FAM111B: variants seen among roughly 807,000 people sequenced by gnomAD.
The protein encoded by FAM111B is FAM111 trypsin like peptidase B, also known as serine protease FAM111B.
A neutral mutation model predicts 2.8 loss-of-function variants in FAM111B; 1 was observed. The observed-to-expected ratio is 0.36, with a 90% confidence interval of 0.13 to 1.70. FAM111B has a LOEUF of 1.70. FAM111B is among the 40% of genes most tolerant of loss of function. FAM111B has a pLI of 0.35. For missense variants in FAM111B, 882 were observed against 878.9 expected, an observed-to-expected ratio of 1.00 and a Z score of -0.04; for synonymous variants, 297 against 295.6, an observed-to-expected ratio of 1.00 and a Z score of -0.05.
chr11:59,125,454 C>T lies in FAM111B; in HGVS notation c.1357C>T (p.Gln453Ter). The T allele has an allele frequency of 6.2e-7, 1 of 1,613,960 alleles. No individual in the cohort carries two copies. Among genetic ancestry groups the T allele is most frequent in the South Asian group, 1.1e-5 (1 of 91,078 alleles). The stretch of plus-strand genomic sequence containing the variant: ...TTCTGTTTCAGTTGCAACCTGCGAA[C>T]AGCTTACATATTATAGCAAGTCAGT... ...ANSVSVATCE[Q>*]LTYYSKSVGF... Residue 453 changes from glutamine (Q) to a stop codon, truncating the protein, a stop_gained, in exon 4 of 4, where the codon CAG becomes TAG. Coordinates refer to ENST00000343597, the MANE Select transcript of FAM111B (RefSeq NM_198947.4). LOFTEE classifies it low-confidence loss of function (END_TRUNC).
Position 59,125,492 on chromosome 11 carries a change from A to G in FAM111B, c.1395A>G (p.Gln465=), listed in dbSNP as rs1370154503. The G allele has an allele frequency of 5.0e-6, 8 of 1,613,876 alleles. No homozygotes were observed. Among genetic ancestry groups the G allele is most frequent in the Admixed American group, 1.7e-5 (1 of 60,000 alleles). The part of the protein sequence containing the change: ...TYYSKSVGFM[Q]WDNNGNTGNA... ...ATAGCAAGTCAGTTGGGTTCATGCA[A>G]TGGGACAATAATGGAAACACAGGTA... The change falls in exon 4 of 4, where the codon CAA becomes CAG. Residue 465 remains glutamine (Q), a synonymous_variant. Transcript: ENST00000343597.
rs541474346 is a variant in FAM111B, at chr11:59,126,535, C to T, written c.*233C>T. The stretch of plus-strand genomic sequence containing the variant: ...TCTAATATTCAGAATCCATTAGGAA[C>T]TTAAACAGATTAACAAGCAAAAAAA... On this transcript the variant is annotated 3_prime_UTR_variant, in exon 4 of 4. Transcript: ENST00000343597. 6.4e-5 allele frequency: 23 copies of T among 358,254 alleles called. No individual in the cohort carries two copies. Among genetic ancestry groups the T allele is most frequent in the Non-Finnish European group, 1.1e-4 (22 of 201,320 alleles). The allele number at this position is 358,254 out of a possible 1,614,324, so 22.2% of individuals were successfully genotyped here.
Position 59,117,369 on chromosome 11 carries a change from A to G in FAM111B, c.82-6810A>G, listed in dbSNP as rs555653214. Among the ~76,000 whole-genome samples the G allele has an allele frequency of 2.6e-5, 4 of 152,230 alleles. No homozygotes were observed. The South Asian group carries it at 8.3e-4, about 32-fold the overall frequency. ...ATCAAAATGTGGAAAGAACAATTAC[A>G]TTTGTTTCGCACATTTGCTTTTTTG... On this transcript the variant is annotated intron_variant, in intron 3 of 3. Transcript: ENST00000343597.
At chr11:59,109,006 G>A (rs1361676999) in intron 2 of FAM111B, among the ~76,000 whole-genome samples, 2 of 151,964 alleles carry the variant, frequency 1.3e-5, no homozygotes, top group African/African-American at 4.8e-5. Context: ...CAGAACTAGG[G>A]CTAATTTTGT....
At chr11:59,124,104 A>T in intron 3 of FAM111B, 75 bp from the exon 4 acceptor site, 1 of 972,088 alleles carries the variant, frequency 1.0e-6, no homozygotes, top group Non-Finnish European at 1.5e-6. Flanking sequence ...AATATCTATT[A>T]GTTCTATCAT....
chr11:59,108,382 T>C (rs1439027266), intron 1 of FAM111B, among the ~76,000 whole-genome samples: 1 of 152,236 alleles, frequency 6.6e-6, no homozygotes. Flanking sequence ...CCTCTTCATA[T>C]ATCCAGAGTT....
intron 3 of FAM111B, among the ~76,000 whole-genome samples, chr11:59,115,597 T>A (rs753368017): frequency 4.6e-5 from 7 of 152,138 alleles, no homozygotes; most frequent in Non-Finnish European, 7.4e-5. Context: ...CAAGGAGAGG[T>A]CTTTTTGCTG....
At position 59,125,866 on chromosome 11, in the gene FAM111B, G is replaced by A; in HGVS notation, c.1769G>A (p.Cys590Tyr). The A allele has an allele frequency of 6.2e-7, 1 of 1,613,900 alleles. No individual in the cohort carries two copies. The highest frequency in any genetic ancestry group is 8.5e-7 in the Non-Finnish European group (1 of 1,179,852). ...PEGQIKKIDG[C>Y]TVIPLNERLK... ...GGCCAGATCAAGAAAATAGATGGTT[G>A]TACTGTGATTCCTCTAAACGAACGA... The change falls in exon 4 of 4, where the codon TGT becomes TAT. Residue 590 changes from cysteine (C) to tyrosine (Y), a missense_variant. By Grantham distance (194) the Cys-to-Tyr change is radical. Coordinates refer to ENST00000343597, the MANE Select transcript of FAM111B (RefSeq NM_198947.4).
At chr11:59,112,654 ATTCT>A (rs753704726) in intron 3 of FAM111B, among the ~76,000 whole-genome samples, 5 of 152,200 alleles carry the variant, frequency 3.3e-5, no homozygotes, top group Admixed American at 1.3e-4. Flanking sequence ...GTTGTTTCAT[ATTCT>A]TGTCAACACA....
At position 59,124,507 on chromosome 11, in the gene FAM111B, T is replaced by C. The variant is rs749780165; in HGVS notation, c.410T>C (p.Ile137Thr). The C allele has an allele frequency of 1.2e-6, 2 of 1,613,278 alleles. No homozygotes were observed. The highest frequency in any genetic ancestry group is 1.7e-6 in the Non-Finnish European group (2 of 1,179,618). The change falls in exon 4 of 4, where the codon ATA becomes ACA. Residue 137 changes from isoleucine to threonine, a missense_variant. Ile to Thr is a moderately conservative substitution (Grantham distance 89, BLOSUM62 -1). Coordinates refer to ENST00000343597, the MANE Select transcript of FAM111B (RefSeq NM_198947.4). ...ATTATTGTTTATGAAGAAAAGACAA[T>C]AGATGGACATATAAATTTAGGAATG... is the stretch of plus-strand genomic sequence containing the variant. ...KNIIVYEEKT[I>T]DGHINLGMPL...
intron 3 of FAM111B, among the ~76,000 whole-genome samples, chr11:59,121,168 T>C (rs537149901): frequency 6.6e-6 from 1 of 151,478 alleles, no homozygotes; most frequent in East Asian, 1.9e-4. Context: ...TTATGACACC[T>C]GAGAATGAAA....
At chr11:59,109,777 G>A in intron 3 of FAM111B, 71 bp downstream of exon 3, 1 of 980,560 alleles carries the variant, frequency 1.0e-6, no homozygotes, top group Non-Finnish European at 1.5e-6. Context: ...GGATCTTGGA[G>A]ATAAGTTCTT....
intron 3 of FAM111B, among the ~76,000 whole-genome samples, chr11:59,123,218 C>G (rs1859950237): frequency 6.6e-6 from 1 of 152,132 alleles, no homozygotes; most frequent in South Asian, 2.1e-4. Flanking sequence ...GAAAGGTGAT[C>G]TTTCAAATAT....
rs371032446 is a variant in FAM111B at position 59,120,481 on chromosome 11, G to T, written c.82-3698G>T. ...AAAGTCCAGACTATGTAGTCTCTTAGGGGTAATAAAGTACCACTGACTGTT... is the reference window on the plus strand; with the variant it reads ...AAAGTCCAGACTATGTAGTCTCTTATGGGTAATAAAGTACCACTGACTGTT... On this transcript the variant is annotated intron_variant, in intron 3 of 3. Transcript: ENST00000343597. 5.9e-5 allele frequency among the ~76,000 whole-genome samples: 9 copies of T among 152,240 alleles called. No individual in the cohort carries two copies. In the South Asian group the frequency reaches 1.9e-3, roughly 32 times the overall value.
At position 59,110,795 on chromosome 11, in the gene FAM111B, TG is replaced by T. The variant is rs1307092277; in HGVS notation, c.81+1093del. 7.9e-5 allele frequency among the ~76,000 whole-genome samples: 12 copies of T among 152,258 alleles called. No homozygotes were observed. In the East Asian group the frequency reaches 1.9e-3, roughly 24 times the overall value. The stretch of plus-strand genomic sequence containing the variant: ...AGTCGTGTACACAGGAAAACATATT[TG>T]GGGAACAGGATAGCTGCATTTGATG... On this transcript the variant is annotated intron_variant, in intron 3 of 3. Coordinates refer to ENST00000343597, the MANE Select transcript of FAM111B (RefSeq NM_198947.4).
chr11:59,108,349 A>G (rs530743547), intron 1 of FAM111B, among the ~76,000 whole-genome samples: 13 of 152,328 alleles, frequency 8.5e-5, no homozygotes, highest in Admixed American at 3.3e-4. Flanking sequence ...TGATCAGTAC[A>G]CAGCTGAATG....
rs1490952261 is a variant in FAM111B at position 59,112,289 on chromosome 11, A to G, written c.81+2583A>G. The stretch of plus-strand genomic sequence containing the variant: ...ATACCCTTTGAGTCTGGCTTCTTTC[A>G]CTTAGAACATTCCATTTAAGATTCA... On this transcript the variant is annotated intron_variant, in intron 3 of 3. Coordinates refer to ENST00000343597, the MANE Select transcript of FAM111B (RefSeq NM_198947.4). Among the ~76,000 whole-genome samples, 3 of 152,290 alleles carry G rather than the reference A, an allele frequency of 2.0e-5. No homozygotes were observed. In the East Asian group the frequency reaches 5.8e-4, roughly 29 times the overall value.
Position 59,125,895 on chromosome 11 carries a change from A to G in FAM111B, c.1798A>G (p.Lys600Glu). 6.2e-7 allele frequency: 1 copy of G among 1,613,934 alleles called. No individual in the cohort carries two copies. The highest frequency in any genetic ancestry group is 8.5e-7 in the Non-Finnish European group (1 of 1,179,854). Residue 600 changes from lysine (K) to glutamate (E), a missense_variant, in exon 4 of 4, where the codon AAA (lysine) becomes GAA (glutamate). Transcript: ENST00000343597. ...TGTGATTCCTCTAAACGAACGATTG[A>G]AAAAATATCCAAACGATTGTCAAGA... ...CTVIPLNERL[K>E]KYPNDCQDGL... is the part of the protein sequence containing the mutation.
At chr11:59,108,351 A>G (rs1662426351) in intron 1 of FAM111B, among the ~76,000 whole-genome samples, 1 of 152,214 alleles carries the variant, frequency 6.6e-6, no homozygotes, top group Non-Finnish European at 1.5e-5. Context: ...ATCAGTACAC[A>G]GCTGAATGCT....
Sources: gnomAD v4.1 joint callset for allele counts (sites outside exome capture counted in the v4.1 genomes callset) on GRCh38, gnomAD v4.1.1 for gene constraint, MANE v1.5 for transcripts, NCBI Gene and HGNC (gene_info 2026-07-23, HGNC 2026-07-21) for gene names.